The following HEXA variants were observed in gnomAD, a reference collection of about 807,000 sequenced individuals.
HEXA encodes beta-hexosaminidase subunit alpha.
A neutral mutation model predicts 73.3 loss-of-function variants in HEXA; 54 were observed. The ratio of observed to expected loss-of-function variants is 0.74; its 90% CI spans 0.59 to 0.92. The LOEUF is 0.92. HEXA is among the 40% of genes least tolerant of loss of function. The probability of loss-of-function intolerance (pLI) is 0.00; values close to 1 mark genes in which losing one functional copy is unlikely to be tolerated. For synonymous variants in HEXA, 230 were observed against 246.9 expected (o/e 0.93, Z 0.64); for missense variants, 649 against 653.0 (o/e 0.99, Z 0.07).
chr15:72,361,377 G>T (rs2088851559), intron 1 of HEXA, among the ~76,000 whole-genome samples: 1 of 151,928 alleles, frequency 6.6e-6, no homozygotes, highest in South Asian at 2.1e-4. Context: ...TGTTACCCAG[G>T]GTATCCAAGG....
chr15:72,346,120 C>G (rs2088609149), intron 12 of HEXA, 115 bp downstream of exon 12: 1 of 760,044 alleles, frequency 1.3e-6, no homozygotes, highest in East Asian at 2.7e-5. Flanking sequence ...GGCCTGCTCT[C>G]TCTCAGGCCT....
chr15:72,353,328 T>A (rs1465563176), intron 4 of HEXA, 150 bp from the exon 5 acceptor site: 1 of 695,902 alleles, frequency 1.4e-6, no homozygotes, highest in African/African-American at 1.8e-5. Flanking sequence ...CCCACCTCTA[T>A]AAATGACCAT....
intron 1 of HEXA, chr15:72,370,499 TG>T: frequency 2.5e-6 from 1 of 395,322 alleles, no homozygotes; most frequent in Non-Finnish European, 4.5e-6. Context: ...AAGACCAGCC[TG>T]GGCAACACAG....
chr15:72,363,498 T>C (rs1275581126), intron 1 of HEXA, among the ~76,000 whole-genome samples: 1 of 152,176 alleles, frequency 6.6e-6, no homozygotes, highest in Non-Finnish European at 1.5e-5. Context: ...AGGAGAGAAG[T>C]CAAGGCCAAC....
chr15:72,344,076 C>G lies in HEXA; in HGVS notation c.*1G>C, dbSNP rs780359821. 1.2e-6 allele frequency: 2 copies of G among 1,613,376 alleles called. No homozygotes were observed. The highest frequency in any genetic ancestry group is 1.7e-6 in the Non-Finnish European group (2 of 1,179,568). ...CCAGCACCCTCCTCGGTGCCTGGGGCTCAGGTCTGTTCAAACTCCTGCTCA... is the reference window on the plus strand; with the variant it reads ...CCAGCACCCTCCTCGGTGCCTGGGGGTCAGGTCTGTTCAAACTCCTGCTCA... On this transcript the variant is annotated 3_prime_UTR_variant, in exon 14 of 14. Transcript: ENST00000268097.
intron 1 of HEXA, among the ~76,000 whole-genome samples, chr15:72,369,411 A>G (rs138013039): frequency 2.6e-5 from 4 of 152,322 alleles, no homozygotes; most frequent in African/African-American, 9.6e-5. Context: ...AGGTCATGGA[A>G]CCTCTTGAGG....
rs768573965 is a variant in HEXA, at chr15:72,349,057, G to C, written c.986+22C>G. ...AGTAAGCAACTGATCAGGCCACAGT[G>C]GGAAGATCAAAGGGCTCATACCAGC... is the stretch of plus-strand genomic sequence containing the variant. On this transcript the variant is annotated intron_variant, in intron 8 of 13. Transcript: ENST00000268097. 2.5e-6 allele frequency: 4 copies of C among 1,602,112 alleles called. No homozygotes were observed. The Admixed American group carries it at 6.7e-5, about 27-fold the overall frequency.
chr15:72,371,352 A>C (rs2088989062), intron 1 of HEXA, among the ~76,000 whole-genome samples: 1 of 152,150 alleles, frequency 6.6e-6, no homozygotes, highest in Non-Finnish European at 1.5e-5. Flanking sequence ...CAGACCTGTA[A>C]TCCCAACACT....
rs2088766986 is a variant in HEXA at position 72,355,634 on chromosome 15, CAG to C, written c.347-12_347-11del. On this transcript the variant is annotated splice_polypyrimidine_tract_variant and intron_variant, in intron 2 of 13. Transcript: ENST00000268097. ...TTTATGGTCAGGGTATCTGAAATGACAGAAATGAACTCATTTAGTTGGTTAAG... is the reference window on the plus strand; with the variant it reads ...TTTATGGTCAGGGTATCTGAAATGACAAATGAACTCATTTAGTTGGTTAAG... 1.3e-6 allele frequency: 2 copies of C among 1,587,116 alleles called. No homozygotes were observed. The highest frequency in any genetic ancestry group is 2.7e-5 in the African/African-American group (2 of 74,318).
In HEXA at chr15:72,347,778, C is replaced by A. The variant is rs776333373; in HGVS notation, c.1074-20G>T. 2.9e-5 allele frequency: 46 copies of A among 1,610,544 alleles called. No individual in the cohort carries two copies. The Admixed American group carries it at 7.7e-4, about 27-fold the overall frequency. On this transcript the variant is annotated intron_variant, in intron 9 of 13. Coordinates refer to ENST00000268097, the MANE Select transcript of HEXA (RefSeq NM_000520.6). The stretch of plus-strand genomic sequence containing the variant: ...AGCAGCCTGGAGAGGAGAGGAGTGT[C>A]TAGTAAGTGTCTGCTTAGCTCAGAT...
intron 1 of HEXA, among the ~76,000 whole-genome samples, chr15:72,367,405 C>A (rs998408572): frequency 5.9e-5 from 9 of 152,196 alleles, no homozygotes; most frequent in Non-Finnish European, 1.3e-4. Flanking sequence ...TTCCAAGCAG[C>A]CACCTCCTAA....
intron 1 of HEXA, among the ~76,000 whole-genome samples, chr15:72,369,218 T>C (rs536397790): frequency 2.8e-4 from 43 of 152,140 alleles, no homozygotes; most frequent in Non-Finnish European, 6.2e-4. Flanking sequence ...CAATAATGGG[T>C]TTTATTCATT....
At chr15:72,370,697 T>TAAAAAAAAAAAAAAG (rs371092265) in intron 1 of HEXA, 202 of 339,360 alleles carry the variant, frequency 6.0e-4, no homozygotes, top group East Asian at 5.3e-3. Context: ...ACCTGTTTCT[T>TAAAAAAAAAAAAAAG]AAAAAAAAAA....
intron 1 of HEXA, among the ~76,000 whole-genome samples, chr15:72,368,849 G>C (rs2088950437): frequency 6.6e-6 from 1 of 152,196 alleles, no homozygotes; most frequent in Admixed American, 6.5e-5. Context: ...TGGAATCCTA[G>C]TTACAACAAG....
intron 1 of HEXA, among the ~76,000 whole-genome samples, chr15:72,374,350 C>T (rs1216238372): frequency 1.3e-5 from 2 of 152,176 alleles, no homozygotes; most frequent in Non-Finnish European, 2.9e-5. Context: ...CTACCACACT[C>T]AACAGCAGGC....
intron 1 of HEXA, among the ~76,000 whole-genome samples, chr15:72,371,121 C>T (rs2088986114): frequency 6.6e-6 from 1 of 152,152 alleles, no homozygotes; most frequent in Non-Finnish European, 1.5e-5. Flanking sequence ...TTCTCCCCAG[C>T]CCAGCTGCTT....
intron 1 of HEXA, among the ~76,000 whole-genome samples, chr15:72,372,636 T>C (rs996980661): frequency 3.3e-5 from 5 of 152,116 alleles, no homozygotes; most frequent in Admixed American, 2.0e-4. Context: ...CACCCTCCAA[T>C]TGGTAGAAAC....
Position 72,349,266 on chromosome 15 carries a change from C to T in HEXA, c.806-7G>A, listed in dbSNP as rs770932296. On this transcript the variant is annotated splice_region_variant and splice_polypyrimidine_tract_variant and intron_variant, in intron 7 of 13. Transcript: ENST00000268097. ...GTCAGTAATCCAGGGATACCTAAGC[C>T]AAGAGAAAACCCCATATGAGTGTCA... The T allele has an allele frequency of 7.2e-5, 116 of 1,612,286 alleles. No individual in the cohort carries two copies. The highest frequency in any genetic ancestry group is 8.7e-5 in the Non-Finnish European group (103 of 1,178,732).
At chr15:72,362,469 G>GA (rs562880773) in intron 1 of HEXA, 45 of 455,636 alleles carry the variant, frequency 9.9e-5, no homozygotes, top group South Asian at 5.7e-4. Context: ...CATGTTTGCT[G>GA]AAAAAATGAA....
Sources: gnomAD v4.1 joint callset for allele counts (sites outside exome capture counted in the v4.1 genomes callset) on GRCh38, gnomAD v4.1.1 for gene constraint, MANE v1.5 for transcripts, NCBI Gene and HGNC (gene_info 2026-07-23, HGNC 2026-07-21) for gene names.